The following PAWR variants were observed in gnomAD, a reference collection of about 807,000 sequenced individuals.
PAWR encodes the protein pro-apoptotic WT1 regulator, also known as PRKC apoptosis WT1 regulator protein.
PAWR carries 23 observed loss-of-function variants against 32.0 expected under a neutral mutation model. The observed-to-expected ratio is 0.72, with a 90% CI of 0.52 to 1.02. The LOEUF is 1.02. Among genes scored for constraint, PAWR ranks in the 50% least tolerant of loss-of-function variants. PAWR has a pLI of 0.00. For synonymous variants in PAWR, 226 were observed against 187.1 expected (o/e 1.21, Z -1.70); for missense variants, 457 against 437.7 (o/e 1.04, Z -0.39).
intron 2 of PAWR, among the ~76,000 whole-genome samples, chr12:79,638,344 A>C (rs1440826981): frequency 2.0e-5 from 3 of 152,172 alleles, no homozygotes; most frequent in Middle Eastern, 3.4e-3. Context: ...TGTCAATTTC[A>C]TTTCTTAGTA....
intron 2 of PAWR, among the ~76,000 whole-genome samples, chr12:79,672,144 T>C (rs1029475080): frequency 1.3e-5 from 2 of 152,104 alleles, no homozygotes; most frequent in African/African-American, 4.8e-5. Context: ...CACTCTCTCC[T>C]GTATTGCTGT....
At chr12:79,623,489 A>G (rs914637564) in intron 2 of PAWR, among the ~76,000 whole-genome samples, 4 of 143,178 alleles carry the variant, frequency 2.8e-5, no homozygotes, top group African/African-American at 1.2e-4. Context: ...TAAAAAACAA[A>G]AACATTTTAG....
intron 4 of PAWR, among the ~76,000 whole-genome samples, chr12:79,609,609 G>GT (rs1566000744): frequency 1.3e-5 from 2 of 152,200 alleles, no homozygotes; most frequent in East Asian, 3.9e-4. Flanking sequence ...TGACTTCAGA[G>GT]TAATGGCTTG....
chr12:79,591,164 C>A lies in PAWR; in HGVS notation c.*1443G>T, dbSNP rs1393484647. ...TTCCTCAAGTGATTCTGATGATTGG[C>A]CAAGCTGGAAACTTCTGAACTGGGG... On this transcript the variant is annotated 3_prime_UTR_variant, in exon 7 of 7. Coordinates refer to ENST00000328827, the MANE Select transcript of PAWR (RefSeq NM_002583.4). 1.3e-5 allele frequency: 2 copies of A among 152,100 alleles called. No individual in the cohort carries two copies. The highest frequency in any genetic ancestry group is 2.4e-5 in the African/African-American group (1 of 41,408). The allele number at this position is 152,100 out of a possible 1,614,324, so 9.4% of individuals were successfully genotyped here. A position where few individuals can be genotyped will look rare whatever the true frequency, so the allele number is the denominator to read the frequency against.
Position 79,690,899 on chromosome 12 carries a change from G to A in PAWR, c.-175C>T, listed in dbSNP as rs1284434313. The A allele has an allele frequency of 2.6e-5, 4 of 152,366 alleles. No homozygotes were observed. The South Asian group carries it at 8.3e-4, about 32-fold the overall frequency. The allele number at this position is 152,366 out of a possible 1,614,324, so 9.4% of individuals were successfully genotyped here. A position where few individuals can be genotyped will look rare whatever the true frequency, so the allele number is the denominator to read the frequency against. ...TGGAGGAGCTTGTAGGGGACGAGGC[G>A]TAGGGCTGGGATCCGGCTCCCAGGT... is the stretch of plus-strand genomic sequence containing the variant. On this transcript the variant is annotated 5_prime_UTR_variant, in exon 1 of 7. In the 5' UTR this introduces an upstream ATG that the reference lacks. Transcript: ENST00000328827.
chr12:79,648,557 G>C (rs140511796), intron 2 of PAWR, among the ~76,000 whole-genome samples: 2 of 151,356 alleles, frequency 1.3e-5, no homozygotes, highest in African/African-American at 4.9e-5. Context: ...CCAAGGCGGG[G>C]GGATCGCTTG....
intron 2 of PAWR, among the ~76,000 whole-genome samples, chr12:79,645,433 A>C (rs539650827): frequency 1.3e-5 from 2 of 152,176 alleles, no homozygotes; most frequent in Non-Finnish European, 2.9e-5. Flanking sequence ...AACTGTCACT[A>C]AACTTGGTGA....
chr12:79,649,604 A>G (rs1876745713), intron 2 of PAWR, among the ~76,000 whole-genome samples: 2 of 152,118 alleles, frequency 1.3e-5, no homozygotes, highest in African/African-American at 4.8e-5. Flanking sequence ...CCGGTGCAAC[A>G]TAGCAAAACA....
chr12:79,668,587 TTAGA>T (rs1253189570), intron 2 of PAWR, among the ~76,000 whole-genome samples: 1 of 152,170 alleles, frequency 6.6e-6, no homozygotes, highest in Non-Finnish European at 1.5e-5. Flanking sequence ...CAGACATTGG[TTAGA>T]TTCTCATAAG....
intron 4 of PAWR, among the ~76,000 whole-genome samples, chr12:79,611,272 T>C (rs1874429868): frequency 6.8e-6 from 1 of 146,972 alleles, no homozygotes. Flanking sequence ...ATATATAATA[T>C]ATAATTTATA....
rs1566002459 is a variant in PAWR at position 79,613,934 on chromosome 12, TATATATA to T, written c.649-332_649-326del. 7.0e-3 allele frequency among the ~76,000 whole-genome samples: 28 copies of T among 3,974 alleles called. 1 individual carries two copies. The highest frequency in any genetic ancestry group is 0.014 in the African/African-American group (27 of 1,874). 2.6% of individuals were successfully genotyped at this position (3,974 alleles called of 152,430 possible). ...GGGGCATTAAAAAGTACCACCATTA[TATATATA>T]TATATATATATATATATATATATAT... On this transcript the variant is annotated intron_variant, in intron 3 of 6. Transcript: ENST00000328827.
chr12:79,614,531 T>C (rs1263018204), intron 3 of PAWR, among the ~76,000 whole-genome samples: 1 of 152,178 alleles, frequency 6.6e-6, no homozygotes, highest in Non-Finnish European at 1.5e-5. Context: ...AGAAAAATTG[T>C]TACCTTGCAA....
At chr12:79,651,264 G>A (rs753319328) in intron 2 of PAWR, among the ~76,000 whole-genome samples, 22 of 151,670 alleles carry the variant, frequency 1.5e-4, no homozygotes, top group Admixed American at 1.2e-3. Flanking sequence ...CTAAGTGACC[G>A]AACAAAAAAA....
At chr12:79,668,460 A>G (rs1218101921) in intron 2 of PAWR, 2 of 152,358 alleles carry the variant, frequency 1.3e-5, no homozygotes, top group South Asian at 2.1e-4. Flanking sequence ...ATTATAGACC[A>G]GTGGTTCCCA....
chr12:79,626,835 C>T (rs536464750), intron 2 of PAWR, among the ~76,000 whole-genome samples: 10 of 151,930 alleles, frequency 6.6e-5, no homozygotes, highest in Admixed American at 3.3e-4. Flanking sequence ...TGGGAACATG[C>T]GGTGTTTGGT....
At position 79,596,507 on chromosome 12, in the gene PAWR, A is replaced by G. The variant is rs776157098; in HGVS notation, c.831+4T>C. 1 of 1,478,182 alleles carries G rather than the reference A, an allele frequency of 6.8e-7. No homozygotes were observed. Among genetic ancestry groups the G allele is most frequent in the South Asian group, 1.2e-5 (1 of 82,678 alleles). The allele number at this position is 1,478,182 out of a possible 1,614,324, so 91.6% of individuals were successfully genotyped here. A position where few individuals can be genotyped will look rare whatever the true frequency, so the allele number is the denominator to read the frequency against. ...ATCAATCTTAAATAACTTATAATCC[A>G]TACCTTTTCAAGATCTTCAATTTTC... On this transcript the variant is annotated splice_donor_region_variant and intron_variant, in intron 5 of 6. Coordinates refer to ENST00000328827, the MANE Select transcript of PAWR (RefSeq NM_002583.4).
chr12:79,657,287 C>T (rs781433110), intron 2 of PAWR, among the ~76,000 whole-genome samples: 3 of 152,012 alleles, frequency 2.0e-5, no homozygotes, highest in South Asian at 2.1e-4. Flanking sequence ...CAAAGGAACA[C>T]GGGTAAACTC....
chr12:79,667,534 A>T (rs916553378), intron 2 of PAWR, among the ~76,000 whole-genome samples: 1 of 152,238 alleles, frequency 6.6e-6, no homozygotes, highest in African/African-American at 2.4e-5. Context: ...GGAAGAATGT[A>T]AAGATTACAA....
intron 2 of PAWR, among the ~76,000 whole-genome samples, chr12:79,657,637 C>A (rs986983079): frequency 3.3e-5 from 5 of 151,650 alleles, no homozygotes; most frequent in Non-Finnish European, 5.9e-5. Flanking sequence ...TAAAAACACA[C>A]AAAAAAATTA....
Sources: allele counts gnomAD v4.1 joint callset (sites outside exome capture counted in the v4.1 genomes callset), GRCh38; gene constraint gnomAD v4.1.1; transcripts MANE v1.5; gene names NCBI Gene and HGNC (gene_info 2026-07-23, HGNC 2026-07-21).